Variants in RBM20 observed in about 807,000 individuals in gnomAD.
RBM20 encodes the protein RNA-binding protein 20.
A neutral mutation model predicts 110.1 loss-of-function variants in RBM20; 51 were observed. The observed-to-expected ratio is 0.46, with a 90% CI of 0.37 to 0.59. The LOEUF is 0.59. RBM20 is among the 20% of genes least tolerant of loss of function. The pLI is 0.00. For missense variants in RBM20, 1,512 were observed against 1,574.9 expected, an observed-to-expected ratio of 0.96 and a Z score of 0.68; for synonymous variants, 589 against 618.2, an observed-to-expected ratio of 0.95 and a Z score of 0.70.
intron 1 of RBM20, among the ~76,000 whole-genome samples, chr10:110,753,518 TG>T (rs1415809873): frequency 6.6e-6 from 1 of 152,224 alleles, no homozygotes; most frequent in Non-Finnish European, 1.5e-5. Context: ...TCTTTCTGCC[TG>T]AAATGTAATC....
At chr10:110,685,789 C>A (rs935845067) in intron 1 of RBM20, among the ~76,000 whole-genome samples, 1 of 152,100 alleles carries the variant, frequency 6.6e-6, no homozygotes, top group Admixed American at 6.6e-5. Context: ...GTAACAAGAT[C>A]AGGGCAAGAC....
chr10:110,811,104 A>G (rs1844762413), intron 8 of RBM20, among the ~76,000 whole-genome samples: 1 of 152,186 alleles, frequency 6.6e-6, no homozygotes. Flanking sequence ...ACCAAGGTAG[A>G]AAACTGCAGG....
chr10:110,767,739 G>C (rs1342957800), intron 1 of RBM20, among the ~76,000 whole-genome samples: 1 of 152,016 alleles, frequency 6.6e-6, no homozygotes, highest in Non-Finnish European at 1.5e-5. Flanking sequence ...TGGGCGGCCG[G>C]GCAGAGACGC....
chr10:110,688,033 G>GTGTA (rs1301957678), intron 1 of RBM20, among the ~76,000 whole-genome samples: 35 of 134,148 alleles, frequency 2.6e-4, no homozygotes, highest in Non-Finnish European at 4.7e-4. Context: ...GTGTGTGTGT[G>GTGTA]TGTATGTGTG....
In RBM20 at chr10:110,797,268, G is replaced by A. The variant is rs945660395; in HGVS notation, c.1528-240G>A. Among the ~76,000 whole-genome samples the A allele has an allele frequency of 1.6e-4, 25 of 151,992 alleles. 1 individual carries two copies. The highest frequency in any genetic ancestry group is 5.2e-4 in the Admixed American group (8 of 15,250). Reference sequence around the variant, plus strand: ...GTTTGCACCACTGCGCTCTAGCCTGGGTGATGGGAGTGAGACCCGGTCTCA... The same window carrying A: ...GTTTGCACCACTGCGCTCTAGCCTGAGTGATGGGAGTGAGACCCGGTCTCA... On this transcript the variant is annotated intron_variant, in intron 5 of 13. Coordinates refer to ENST00000369519, the MANE Select transcript of RBM20 (RefSeq NM_001134363.3).
chr10:110,718,557 G>GTT lies in RBM20; in HGVS notation c.192-62233_192-62232dup, dbSNP rs71032101. Among the ~76,000 whole-genome samples the GTT allele has an allele frequency of 1.2e-3, 138 of 113,016 alleles. 1 individual carries two copies. The highest frequency in any genetic ancestry group is 3.4e-3 in the East Asian group (15 of 4,358). The allele number at this position is 113,016 out of a possible 152,430, so 74.1% of individuals were successfully genotyped here. Reference sequence around the variant, plus strand: ...CATGTATTCTTCTATAACTTTTTTAGTTTTTTTTTTTTGAGATCTTTGATG... The same window carrying GTT: ...CATGTATTCTTCTATAACTTTTTTAGTTTTTTTTTTTTTTGAGATCTTTGATG... On this transcript the variant is annotated intron_variant, in intron 1 of 13. Transcript: ENST00000369519.
chr10:110,810,939 T>TA (rs1336389053), intron 8 of RBM20, among the ~76,000 whole-genome samples: 7 of 152,042 alleles, frequency 4.6e-5, no homozygotes, highest in Non-Finnish European at 7.4e-5. Flanking sequence ...TGTAGATGGT[T>TA]AAAAAAAATC....
chr10:110,701,902 G>T (rs1161542643), intron 1 of RBM20, among the ~76,000 whole-genome samples: 1 of 152,222 alleles, frequency 6.6e-6, no homozygotes, highest in Non-Finnish European at 1.5e-5. Context: ...GCTAACGGGG[G>T]ATTATCAGAG....
intron 1 of RBM20, among the ~76,000 whole-genome samples, chr10:110,751,142 C>T (rs1446612723): frequency 1.3e-5 from 2 of 152,206 alleles, no homozygotes. Context: ...GGGAGTATAA[C>T]CAATGTCTCC....
At chr10:110,770,160 C>T (rs917731553) in intron 1 of RBM20, among the ~76,000 whole-genome samples, 2 of 152,182 alleles carry the variant, frequency 1.3e-5, no homozygotes, top group African/African-American at 2.4e-5. Context: ...CCGAGTCAGA[C>T]ACAGAGATGA....
chr10:110,752,945 A>ATTTT (rs71492062), intron 1 of RBM20, among the ~76,000 whole-genome samples: 14 of 108,992 alleles, frequency 1.3e-4, no homozygotes, highest in South Asian at 1.2e-3. Context: ...ATATATATAT[A>ATTTT]TTTTTTTTTT....
At chr10:110,660,705 A>G (rs1862090109) in intron 1 of RBM20, among the ~76,000 whole-genome samples, 1 of 152,004 alleles carries the variant, frequency 6.6e-6, no homozygotes. Flanking sequence ...ACCCCGAGAT[A>G]GGACCATCTA....
Position 110,719,999 on chromosome 10 carries a change from C to T in RBM20, c.192-60802C>T, listed in dbSNP as rs927507323. Among the ~76,000 whole-genome samples, 6 of 151,810 alleles carry T rather than the reference C, an allele frequency of 4.0e-5. 1 individual carries two copies. Among genetic ancestry groups the T allele is most frequent in the African/African-American group, 1.5e-4 (6 of 41,324 alleles). Reference sequence around the variant, plus strand: ...GGGACAGCTTCCTGGTTCTTGGAGACGCCTTCTTGCTGTACCCTCCTATGG... The same window carrying T: ...GGGACAGCTTCCTGGTTCTTGGAGATGCCTTCTTGCTGTACCCTCCTATGG... On this transcript the variant is annotated intron_variant, in intron 1 of 13. Coordinates refer to ENST00000369519, the MANE Select transcript of RBM20 (RefSeq NM_001134363.3).
intron 1 of RBM20, among the ~76,000 whole-genome samples, chr10:110,725,892 C>T (rs1434483483): frequency 6.6e-6 from 1 of 152,380 alleles, no homozygotes; most frequent in South Asian, 2.1e-4. Flanking sequence ...AGCTTGGCCT[C>T]TGTGCTGGGG....
chr10:110,777,349 A>G (rs1844279240), intron 1 of RBM20, among the ~76,000 whole-genome samples: 1 of 152,244 alleles, frequency 6.6e-6, no homozygotes, highest in South Asian at 2.1e-4. Context: ...GTTCAGAAAT[A>G]TGATCACTAC....
chr10:110,784,454 A>G (rs772093613), intron 4 of RBM20, 22 bp downstream of exon 4: 8 of 1,521,546 alleles, frequency 5.3e-6, no homozygotes, highest in Non-Finnish European at 7.1e-6. Flanking sequence ...CCTACAGGTC[A>G]GCAGCTTGAA....
chr10:110,648,329 A>C (rs919186949), intron 1 of RBM20, among the ~76,000 whole-genome samples: 1 of 152,174 alleles, frequency 6.6e-6, no homozygotes, highest in Non-Finnish European at 1.5e-5. Context: ...AGCAACTCCG[A>C]TTTACAGACT....
At chr10:110,650,439 G>A (rs1861929689) in intron 1 of RBM20, among the ~76,000 whole-genome samples, 1 of 152,186 alleles carries the variant, frequency 6.6e-6, no homozygotes. Flanking sequence ...ATGAGGATGT[G>A]TTCATAACTC....
chr10:110,730,786 A>G (rs1001339372), intron 1 of RBM20, among the ~76,000 whole-genome samples: 2 of 152,166 alleles, frequency 1.3e-5, no homozygotes, highest in Non-Finnish European at 2.9e-5. Context: ...GTGTTTCCCA[A>G]TTAAATAACT....
Sources: gnomAD v4.1 joint callset for allele counts (sites outside exome capture counted in the v4.1 genomes callset) on GRCh38, gnomAD v4.1.1 for gene constraint, MANE v1.5 for transcripts, NCBI Gene and HGNC (gene_info 2026-07-23, HGNC 2026-07-21) for gene names.